PTPRD: variants seen among roughly 807,000 people sequenced by gnomAD.
The protein encoded by PTPRD is protein tyrosine phosphatase receptor type D.
Under a neutral mutation model 214.5 loss-of-function variants are expected in PTPRD, and 34 were observed. The observed-to-expected ratio is 0.16, with a 90% confidence interval of 0.12 to 0.21. The LOEUF (loss-of-function observed/expected upper bound fraction) is 0.21, where lower values mean the gene tolerates loss of function less well. Ranked by LOEUF, PTPRD falls within the 10% of genes least tolerant of loss-of-function variation. PTPRD has a pLI of 1.00. For synonymous variants in PTPRD, 1,128 were observed against 845.7 expected, an observed-to-expected ratio of 1.33 and a Z score of -5.79; for missense variants, 2,545 against 2,398.7, an observed-to-expected ratio of 1.06 and a Z score of -1.27.
At chr9:8,388,273 C>T (rs770772304) in intron 37 of PTPRD, among the ~76,000 whole-genome samples, 13 of 152,154 alleles carry the variant, frequency 8.5e-5, no homozygotes, top group Non-Finnish European at 1.9e-4. Context: ...ATTTACAGAA[C>T]CTCAACTTTC....
At chr9:10,029,520 G>T (rs969478805) in intron 4 of PTPRD, among the ~76,000 whole-genome samples, 2 of 152,188 alleles carry the variant, frequency 1.3e-5, no homozygotes, top group African/African-American at 4.8e-5. Context: ...TGTGAGACAT[G>T]GAGTCAAAGG....
chr9:10,167,770 T>C lies in PTPRD; in HGVS notation c.-544-133980A>G, dbSNP rs142093823. Among the ~76,000 whole-genome samples the C allele has an allele frequency of 4.0e-3, 603 of 152,206 alleles. 7 individuals carry two copies. Among genetic ancestry groups the C allele is most frequent in the Non-Finnish European group, 6.7e-3 (453 of 67,996 alleles). On this transcript the variant is annotated intron_variant, in intron 3 of 45. Coordinates refer to ENST00000381196, the MANE Select transcript of PTPRD (RefSeq NM_002839.4). ...AGCTGTAAGAGTTGATACTGTGTGA[T>C]AGAAGATAAAGGCCAAATTCACCTT...
intron 10 of PTPRD, among the ~76,000 whole-genome samples, chr9:9,181,900 G>T (rs997883486): frequency 6.6e-6 from 1 of 152,022 alleles, no homozygotes; most frequent in Non-Finnish European, 1.5e-5. Flanking sequence ...CAAACAAGTG[G>T]CTTTTAAATG....
At chr9:8,643,676 G>C (rs921344171) in intron 12 of PTPRD, among the ~76,000 whole-genome samples, 5 of 152,244 alleles carry the variant, frequency 3.3e-5, no homozygotes, top group East Asian at 3.9e-4. Context: ...CCTAGGTGCT[G>C]TCAGCCTGAC....
At chr9:8,734,468 C>G (rs2098695635) in intron 11 of PTPRD, among the ~76,000 whole-genome samples, 1 of 152,204 alleles carries the variant, frequency 6.6e-6, no homozygotes, top group South Asian at 2.1e-4. Flanking sequence ...GAATTTTTTA[C>G]ACTAGCATAT....
At chr9:9,838,387 A>T (rs888380983) in intron 5 of PTPRD, among the ~76,000 whole-genome samples, 2 of 152,000 alleles carry the variant, frequency 1.3e-5, no homozygotes, top group African/African-American at 4.8e-5. Context: ...TCCCACCAAC[A>T]GTGTAAAAGT....
chr9:8,995,455 C>T (rs1003393904), intron 11 of PTPRD, among the ~76,000 whole-genome samples: 4 of 152,008 alleles, frequency 2.6e-5, no homozygotes, highest in Admixed American at 1.3e-4. Context: ...TTTCATTATT[C>T]TCTCTTCTTA....
intron 14 of PTPRD, among the ~76,000 whole-genome samples, chr9:8,532,533 A>C (rs1358710506): frequency 6.6e-6 from 1 of 152,122 alleles, no homozygotes; most frequent in Non-Finnish European, 1.5e-5. Context: ...ACAAATTGTC[A>C]ATATGCTAGT....
At chr9:9,349,571 A>AT (rs1406656510) in intron 9 of PTPRD, among the ~76,000 whole-genome samples, 2 of 142,620 alleles carry the variant, frequency 1.4e-5, no homozygotes, top group East Asian at 2.4e-4. Flanking sequence ...TGAAAATTGG[A>AT]TTTTTTTCAT....
chr9:9,743,731 T>TACAC (rs4008087), intron 6 of PTPRD, among the ~76,000 whole-genome samples: 1,400 of 80,434 alleles, frequency 0.017, 10 homozygotes, highest in African/African-American at 0.066. Context: ...ACTCAGTCTA[T>TACAC]ACACACACAC....
chr9:10,155,544 T>C (rs2154281820), intron 3 of PTPRD, among the ~76,000 whole-genome samples: 1 of 152,308 alleles, frequency 6.6e-6, no homozygotes, highest in East Asian at 1.9e-4. Flanking sequence ...AGGGGAATGC[T>C]TTAAGCTTTT....
At chr9:8,973,367 T>C (rs138111540) in intron 11 of PTPRD, among the ~76,000 whole-genome samples, 127 of 152,142 alleles carry the variant, frequency 8.3e-4, no homozygotes, top group African/African-American at 2.7e-3. Context: ...CCCCTAGCTT[T>C]AACCATGTTG....
At chr9:9,108,661 C>G (rs147789004) in intron 10 of PTPRD, among the ~76,000 whole-genome samples, 1 of 152,146 alleles carries the variant, frequency 6.6e-6, no homozygotes, top group East Asian at 1.9e-4. Context: ...AATGCTTTAC[C>G]CAAGAGTAAT....
intron 6 of PTPRD, among the ~76,000 whole-genome samples, chr9:9,756,456 C>T (rs986435510): frequency 1.3e-5 from 2 of 152,008 alleles, no homozygotes; most frequent in African/African-American, 2.4e-5. Flanking sequence ...TTCTTACAAC[C>T]ACCATATAAG....
intron 2 of PTPRD, among the ~76,000 whole-genome samples, chr9:10,369,049 C>A (rs1243700006): frequency 6.6e-6 from 1 of 151,786 alleles, no homozygotes; most frequent in Non-Finnish European, 1.5e-5. Flanking sequence ...AAACACAGTG[C>A]CAAGTGTCTC....
At chr9:9,113,257 G>A (rs1195217598) in intron 10 of PTPRD, among the ~76,000 whole-genome samples, 2 of 152,010 alleles carry the variant, frequency 1.3e-5, no homozygotes, top group African/African-American at 4.8e-5. Context: ...TTACAAGTGT[G>A]AGCCACCATG....
chr9:8,753,549 G>A (rs1490376041), intron 11 of PTPRD, among the ~76,000 whole-genome samples: 1 of 151,708 alleles, frequency 6.6e-6, no homozygotes, highest in Admixed American at 6.6e-5. Flanking sequence ...CCTTAAACAG[G>A]AGCTAGTCAA....
At chr9:8,953,952 T>C (rs2099117541) in intron 11 of PTPRD, among the ~76,000 whole-genome samples, 1 of 151,852 alleles carries the variant, frequency 6.6e-6, no homozygotes, top group Non-Finnish European at 1.5e-5. Flanking sequence ...TTAGAGAACT[T>C]AAAACAGTGC....
intron 8 of PTPRD, among the ~76,000 whole-genome samples, chr9:9,560,141 T>C (rs1159659331): frequency 6.6e-6 from 1 of 152,184 alleles, no homozygotes; most frequent in Non-Finnish European, 1.5e-5. Flanking sequence ...AGCAATGTTC[T>C]TCTCTCAGAC....
Sources: gnomAD v4.1 joint callset for allele counts (sites outside exome capture counted in the v4.1 genomes callset) on GRCh38, gnomAD v4.1.1 for gene constraint, MANE v1.5 for transcripts, NCBI Gene and HGNC (gene_info 2026-07-23, HGNC 2026-07-21) for gene names.